Variants in CFAP99 observed in about 807,000 individuals in gnomAD.
The protein encoded by CFAP99 is cilia and flagella associated protein 99.
In CFAP99, 84 loss-of-function variants were observed where a neutral mutation model predicts 82.7. The ratio of observed to expected loss-of-function variants is 1.02; its 90% CI spans 0.85 to 1.22. The LOEUF (loss-of-function observed/expected upper bound fraction) is 1.22, where lower values mean the gene tolerates loss of function less well. CFAP99 is among the 50% of genes most tolerant of loss of function. The pLI, the probability that CFAP99 is intolerant of heterozygous loss-of-function variation, is 0.00. For missense variants in CFAP99, 1,059 were observed against 983.5 expected (o/e 1.08, Z -1.03); for synonymous variants, 456 against 429.5 (o/e 1.06, Z -0.76).
At chr4:2,419,987 C>G (rs73074355) in intron 1 of CFAP99, among the ~76,000 whole-genome samples, 6,048 of 152,046 alleles carry the variant, frequency 0.04, 422 homozygotes, top group African/African-American at 0.14. Flanking sequence ...GTTGCAAAAT[C>G]CGATGATCGG....
intron 11 of CFAP99, among the ~76,000 whole-genome samples, chr4:2,458,101 G>T (rs112526374): frequency 2.6e-5 from 4 of 152,326 alleles, no homozygotes; most frequent in African/African-American, 9.6e-5. Flanking sequence ...GAGGCGCCCA[G>T]CCGTCTCCCT....
At chr4:2,430,775 TAAA>T (rs946281483) in intron 2 of CFAP99, among the ~76,000 whole-genome samples, 1 of 151,610 alleles carries the variant, frequency 6.6e-6, no homozygotes, top group Non-Finnish European at 1.5e-5. Flanking sequence ...CATTTCTCTC[TAAA>T]AGAAAAAAAA....
chr4:2,449,726 G>A (rs1263902507), exon 7 of CFAP99: 2 of 1,536,038 alleles, frequency 1.3e-6, no homozygotes, highest in Admixed American at 2.0e-5. Flanking sequence ...AGACAGTCAA[G>A]AGGTACAACC....
rs73791833 is a variant in CFAP99, at chr4:2,458,835, C to T, written c.1274C>T (p.Thr425Met). The stretch of plus-strand genomic sequence containing the variant: ...CAGAAGAACGCCAAGGCGGCCCAGA[C>T]GAAGCTCGCGAAGGGCCGACAGCAG... Residue 425 changes from threonine to methionine, a missense_variant, in exon 12 of 15, where the codon ACG becomes ATG. Coordinates refer to ENST00000635017, the Ensembl canonical transcript of CFAP99. The T allele has an allele frequency of 9.5e-4, 1,456 of 1,535,674 alleles. 12 individuals are homozygous for T. The African/African-American group carries it at 0.016, about 17-fold the overall frequency.
At chr4:2,458,517 G>C (rs1222788636) in intron 11 of CFAP99, among the ~76,000 whole-genome samples, 4 of 152,162 alleles carry the variant, frequency 2.6e-5, no homozygotes, top group Non-Finnish European at 4.4e-5. Flanking sequence ...GGGAGGAAGG[G>C]AGAGGACATG....
chr4:2,460,071 T>C (rs1412522312), exon 14 of CFAP99: 35 of 1,535,834 alleles, frequency 2.3e-5, no homozygotes, highest in Non-Finnish European at 2.8e-5. Context: ...GAGATGTCCA[T>C]AGTGGAGCTG....
At position 2,426,320 on chromosome 4, in the gene CFAP99, C is replaced by A; in HGVS notation, c.-17-139C>A. ...CTCCCCACTGCTGTAGGCCCGGCAC[C>A]CTAGCCAGGGCCCCCAGTCACATCC... On this transcript the variant is annotated intron_variant, in intron 1 of 14. Coordinates refer to ENST00000635017, the Ensembl canonical transcript of CFAP99. 3 of 637,524 alleles carry A rather than the reference C, an allele frequency of 4.7e-6. No individual in the cohort carries two copies. The East Asian group carries it at 8.5e-5, about 18-fold the overall frequency. 39.5% of individuals were successfully genotyped at this position (637,524 alleles called of 1,614,324 possible).
At chr4:2,449,627 C>A in intron 6 of CFAP99, 43 bp from the exon 7 acceptor site, 1 of 1,518,734 alleles carries the variant, frequency 6.6e-7, no homozygotes, top group South Asian at 1.2e-5. Flanking sequence ...CCCTCCCACT[C>A]GCAGCTGCTG....
At chr4:2,443,067 A>T (rs2696379) in intron 4 of CFAP99, 63 bp from the exon 5 acceptor site, 2 of 914,754 alleles carry the variant, frequency 2.2e-6, no homozygotes, top group Non-Finnish European at 3.4e-6. Flanking sequence ...GGTGCTGGGG[A>T]CTTTGCCCGG....
intron 10 of CFAP99, 85 bp from the exon 11 acceptor site, chr4:2,452,057 C>T (rs1366807035): frequency 1.7e-5 from 24 of 1,406,752 alleles, no homozygotes; most frequent in Non-Finnish European, 2.2e-5. Context: ...TGCGCAGCCA[C>T]TGTCCCTCAG....
chr4:2,449,722 T>G (rs1463386788), exon 7 of CFAP99: 46 of 1,535,788 alleles, frequency 3.0e-5, no homozygotes, highest in South Asian at 2.6e-4. Flanking sequence ...CTGGAGACAG[T>G]CAAGAGGTAC....
Position 2,448,173 on chromosome 4 carries a change from C to A in CFAP99, c.643-1497C>A, listed in dbSNP as rs1734215324. ...GATCAGAGACCTTGTTGCTGAGCAA[C>A]CCCACAGTTGCCCCATCTGTATAAT... On this transcript the variant is annotated intron_variant, in intron 6 of 14. Transcript: ENST00000635017. This position sits in a 1 kb window ranked among gnomAD's most constrained non-coding sequence, Gnocchi z 5.2. 6.6e-6 allele frequency among the ~76,000 whole-genome samples: 1 copy of A among 152,120 alleles called. No homozygotes were observed. Among genetic ancestry groups the A allele is most frequent in the African/African-American group, 2.4e-5 (1 of 41,406 alleles).
chr4:2,442,346 G>T (rs536779090), intron 4 of CFAP99, among the ~76,000 whole-genome samples: 1 of 152,148 alleles, frequency 6.6e-6, no homozygotes. Context: ...AAATGGGAAG[G>T]GGTGGGAAAG....
chr4:2,459,740 G>C (rs1734568070), intron 13 of CFAP99, among the ~76,000 whole-genome samples: 1 of 152,164 alleles, frequency 6.6e-6, no homozygotes, highest in South Asian at 2.1e-4. Context: ...CATGGGGAGT[G>C]CAAACGGCTG....
At position 2,451,065 on chromosome 4, in the gene CFAP99, C is replaced by T. The variant is rs1039685792; in HGVS notation, c.867+47C>T. 3 of 845,930 alleles carry T rather than the reference C, an allele frequency of 3.5e-6. No homozygotes were observed. The African/African-American group carries it at 8.9e-5, about 25-fold the overall frequency. 52.4% of individuals were successfully genotyped at this position (845,930 alleles called of 1,614,324 possible). A position where few individuals can be genotyped will look rare whatever the true frequency, so the allele number is the denominator to read the frequency against. The stretch of plus-strand genomic sequence containing the variant: ...TCAGGCTGCTCTCCCTGGGCACCCA[C>T]CCCTCCAGACCTTTTCTGCCCGTAG... On this transcript the variant is annotated intron_variant, in intron 9 of 14. Transcript: ENST00000635017.
rs141346670 is a variant in CFAP99, at chr4:2,420,072, A to T, written c.-18+979A>T. 2.0e-5 allele frequency among the ~76,000 whole-genome samples: 3 copies of T among 151,840 alleles called. No individual in the cohort carries two copies. In the East Asian group the frequency reaches 5.9e-4, roughly 30 times the overall value. The stretch of plus-strand genomic sequence containing the variant: ...GACTGTGCCCTCTCCGTGACACAGC[A>T]TCCTCACTTGGCTGAAACAGATCCC... On this transcript the variant is annotated intron_variant, in intron 1 of 14. Coordinates refer to ENST00000635017, the Ensembl canonical transcript of CFAP99.
At position 2,462,395 on chromosome 4, in the gene CFAP99, C is replaced by T. The variant is rs1014015812; in HGVS notation, c.1662-48C>T. On this transcript the variant is annotated intron_variant, in intron 14 of 14. Transcript: ENST00000635017. The surrounding 1 kb of genome is among the most constrained non-coding windows in gnomAD (Gnocchi z 4.1). ...ACACGGGTGGCATCCTGGGTCTGGC[C>T]TGGGCCTCCCGCCGGCCTGCTCCTG... The T allele has an allele frequency of 1.9e-5, 27 of 1,391,660 alleles. No homozygotes were observed. The highest frequency in any genetic ancestry group is 2.1e-5 in the Non-Finnish European group (23 of 1,085,604). The allele number at this position is 1,391,660 out of a possible 1,614,324, so 86.2% of individuals were successfully genotyped here.
At position 2,437,153 on chromosome 4, in the gene CFAP99, G is replaced by C. The variant is rs1433295959; in HGVS notation, c.256+135G>C. On this transcript the variant is annotated intron_variant, in intron 3 of 14. Transcript: ENST00000635017. ...CCTGCCCTTGCACTGGAGGCTTCCC[G>C]GCTCCTCACCTCACTTGGTCCTTAC... 3.1e-5 allele frequency: 33 copies of C among 1,071,420 alleles called. No homozygotes were observed. In the South Asian group the frequency reaches 5.0e-4, roughly 16 times the overall value. The allele number at this position is 1,071,420 out of a possible 1,614,324, so 66.4% of individuals were successfully genotyped here. A position where few individuals can be genotyped will look rare whatever the true frequency, so the allele number is the denominator to read the frequency against.
At chr4:2,438,230 C>A in intron 4 of CFAP99, 66 bp downstream of exon 4, 1 of 893,646 alleles carries the variant, frequency 1.1e-6, no homozygotes, top group Non-Finnish European at 1.8e-6. Context: ...GATCCTCGCC[C>A]ACCTTTCGTC....
Sources: allele counts gnomAD v4.1 joint callset (sites outside exome capture counted in the v4.1 genomes callset), GRCh38; gene constraint gnomAD v4.1.1; non-coding constraint Gnocchi (gnomAD v3.1); transcripts MANE v1.5; gene names NCBI Gene and HGNC (gene_info 2026-07-23, HGNC 2026-07-21).